PPM1L: variants seen among roughly 807,000 people sequenced by gnomAD.
PPM1L encodes the protein protein phosphatase, Mg2+/Mn2+ dependent 1L.
A neutral mutation model predicts 31.4 loss-of-function variants in PPM1L; 13 were observed. The ratio of observed to expected loss-of-function variants is 0.41; its 90% CI spans 0.27 to 0.66. The LOEUF is 0.66. Among genes scored for constraint, PPM1L ranks in the 30% least tolerant of loss-of-function variants. PPM1L has a pLI of 0.29. For synonymous variants in PPM1L, 184 were observed against 175.4 expected (o/e 1.05, Z -0.39); for missense variants, 326 against 453.7 (o/e 0.72, Z 2.56).
At position 161,074,641 on chromosome 3, in the gene PPM1L, G is replaced by A. The variant is rs1342516498; in HGVS notation, c.*5484G>A. ...TGTAAATTTGCTGATCCTTAGTAAT[G>A]TTAATGCTTTGTCTATTTGTTATTT... On this transcript the variant is annotated 3_prime_UTR_variant, in exon 4 of 4. Transcript: ENST00000498165. 2 of 152,312 alleles carry A rather than the reference G, an allele frequency of 1.3e-5. No individual in the cohort carries two copies. Among genetic ancestry groups the A allele is most frequent in the East Asian group, 3.9e-4 (2 of 5,186 alleles). 9.4% of individuals were successfully genotyped at this position (152,312 alleles called of 1,614,324 possible).
rs896044966 is a variant in PPM1L at position 161,075,116 on chromosome 3, G to A, written c.*5959G>A. 20 of 152,110 alleles carry A rather than the reference G, an allele frequency of 1.3e-4. No individual in the cohort carries two copies. The highest frequency in any genetic ancestry group is 2.1e-4 in the Non-Finnish European group (14 of 68,044). The allele number at this position is 152,110 out of a possible 1,614,324, so 9.4% of individuals were successfully genotyped here. A position where few individuals can be genotyped will look rare whatever the true frequency, so the allele number is the denominator to read the frequency against. ...GGTTACTCGCTGCCACTTCAGGAGA[G>A]GGATTGTATCAGCTCTCATTACCTT... On this transcript the variant is annotated 3_prime_UTR_variant, in exon 4 of 4. Transcript: ENST00000498165.
chr3:160,957,664 G>A (rs576553984), intron 1 of PPM1L, among the ~76,000 whole-genome samples: 17 of 146,466 alleles, frequency 1.2e-4, no homozygotes, highest in African/African-American at 3.5e-4. Flanking sequence ...TGCAAGCTCC[G>A]CCTCCCAGGT....
intron 2 of PPM1L, among the ~76,000 whole-genome samples, chr3:161,010,596 C>G (rs563421578): frequency 6.6e-6 from 1 of 152,146 alleles, no homozygotes; most frequent in African/African-American, 2.4e-5. Flanking sequence ...GAGGAATTGC[C>G]ACACTGTCTT....
Position 160,844,555 on chromosome 3 carries a change from A to G in PPM1L, c.399+87848A>G, listed in dbSNP as rs375295788. Among the ~76,000 whole-genome samples the G allele has an allele frequency of 9.1e-4, 139 of 152,282 alleles. 1 individual carries two copies. The highest frequency in any genetic ancestry group is 3.0e-3 in the African/African-American group (123 of 41,580). On this transcript the variant is annotated intron_variant, in intron 1 of 3. Transcript: ENST00000498165. The stretch of plus-strand genomic sequence containing the variant: ...ACCGGTTTGCAAATCTTTTCTTGCC[A>G]TCTATGGATTATGTTTCCATCCTCT...
At chr3:161,024,577 A>G (rs1469522252) in intron 2 of PPM1L, among the ~76,000 whole-genome samples, 1 of 152,116 alleles carries the variant, frequency 6.6e-6, no homozygotes, top group Non-Finnish European at 1.5e-5. Flanking sequence ...ACATGCCTGT[A>G]ATCCCAGCTA....
intron 1 of PPM1L, among the ~76,000 whole-genome samples, chr3:160,805,574 TAGTC>T (rs1712573249): frequency 6.6e-6 from 1 of 151,838 alleles, no homozygotes; most frequent in South Asian, 2.1e-4. Context: ...ATACAAAAAT[TAGTC>T]AGGTGTGGTG....
chr3:160,803,874 C>A (rs1490319326), intron 1 of PPM1L, among the ~76,000 whole-genome samples: 1 of 152,164 alleles, frequency 6.6e-6, no homozygotes, highest in Non-Finnish European at 1.5e-5. Flanking sequence ...AAAACTGAGA[C>A]TGAGAGACAC....
chr3:160,855,572 C>T (rs1472545382), intron 1 of PPM1L, among the ~76,000 whole-genome samples: 4 of 152,178 alleles, frequency 2.6e-5, no homozygotes, highest in Non-Finnish European at 1.5e-5. Context: ...CATGAATAGA[C>T]ACGTTTCAAA....
rs536534846 is a variant in PPM1L at position 160,887,468 on chromosome 3, G to A, written c.400-74268G>A. 9.9e-5 allele frequency among the ~76,000 whole-genome samples: 15 copies of A among 151,974 alleles called. 1 individual carries two copies. In the South Asian group the frequency reaches 1.7e-3, roughly 17 times the overall value. ...AGGTTGAAATGAAGGAAAAAAAAGC[G>A]AGAGAGAAAGACCAGGTCACCTACA... On this transcript the variant is annotated intron_variant, in intron 1 of 3. Transcript: ENST00000498165.
In PPM1L at chr3:161,078,706, T is replaced by C. The variant is rs1248860678; in HGVS notation, c.*9549T>C. On this transcript the variant is annotated 3_prime_UTR_variant, in exon 4 of 4. Transcript: ENST00000498165. Reference sequence around the variant, plus strand: ...TACCTGTAGTAGAGCTCAGAGTATATGGCAGTGCACGGTCACTCAAGATGC... The same window carrying C: ...TACCTGTAGTAGAGCTCAGAGTATACGGCAGTGCACGGTCACTCAAGATGC... The C allele has an allele frequency of 1.3e-5, 2 of 152,192 alleles. No individual in the cohort carries two copies. Among genetic ancestry groups the C allele is most frequent in the Non-Finnish European group, 2.9e-5 (2 of 68,048 alleles). 9.4% of individuals were successfully genotyped at this position (152,192 alleles called of 1,614,324 possible).
Position 160,785,839 on chromosome 3 carries a change from T to G in PPM1L, c.399+29132T>G, listed in dbSNP as rs1169794530. On this transcript the variant is annotated intron_variant, in intron 1 of 3. Transcript: ENST00000498165. ...ACAAGACAGCGGTGCACTGTTTTTT[T>G]TTTTTTTTTTACATATGTCTTTCCC... is the stretch of plus-strand genomic sequence containing the variant. Among the ~76,000 whole-genome samples, 9 of 151,818 alleles carry G rather than the reference T, an allele frequency of 5.9e-5. No homozygotes were observed. The South Asian group carries it at 6.2e-4, about 10-fold the overall frequency.
intron 2 of PPM1L, among the ~76,000 whole-genome samples, chr3:160,986,098 A>T (rs1254853470): frequency 6.6e-6 from 1 of 152,174 alleles, no homozygotes; most frequent in Non-Finnish European, 1.5e-5. Flanking sequence ...GCAAATAATA[A>T]AACTGTCTTC....
chr3:160,789,817 T>C (rs1403899052), intron 1 of PPM1L, among the ~76,000 whole-genome samples: 2 of 152,066 alleles, frequency 1.3e-5, no homozygotes, highest in African/African-American at 4.8e-5. Flanking sequence ...CATGATCATG[T>C]GTGTATAGTC....
intron 2 of PPM1L, among the ~76,000 whole-genome samples, chr3:161,014,695 C>T (rs192538808): frequency 4.1e-4 from 63 of 152,270 alleles, no homozygotes; most frequent in African/African-American, 1.5e-3. Context: ...TTGTCTCAAA[C>T]TCCTGACCTC....
chr3:160,887,179 T>G (rs1192118132), intron 1 of PPM1L, among the ~76,000 whole-genome samples: 3 of 151,864 alleles, frequency 2.0e-5, no homozygotes, highest in African/African-American at 7.3e-5. Context: ...TGAAAAGGAA[T>G]GAACAAAGTC....
intron 1 of PPM1L, among the ~76,000 whole-genome samples, chr3:160,779,126 C>T (rs1424068835): frequency 3.5e-5 from 5 of 144,158 alleles, no homozygotes; most frequent in African/African-American, 5.2e-5. Flanking sequence ...ACTGTGTAAA[C>T]GCTGAAAAAA....
intron 1 of PPM1L, among the ~76,000 whole-genome samples, chr3:160,780,863 A>G (rs1711724666): frequency 6.6e-6 from 1 of 152,190 alleles, no homozygotes; most frequent in Admixed American, 6.5e-5. Flanking sequence ...GAAATACAAG[A>G]ATATATTATC....
At chr3:160,813,477 C>T (rs1712875693) in intron 1 of PPM1L, among the ~76,000 whole-genome samples, 1 of 152,102 alleles carries the variant, frequency 6.6e-6, no homozygotes, top group Non-Finnish European at 1.5e-5. Flanking sequence ...GTAGCTGGGA[C>T]TACAGGTGCG....
At position 160,833,975 on chromosome 3, in the gene PPM1L, G is replaced by GT. The variant is rs1713612713; in HGVS notation, c.399+77269dup. On this transcript the variant is annotated intron_variant, in intron 1 of 3. Coordinates refer to ENST00000498165, the MANE Select transcript of PPM1L (RefSeq NM_139245.4). ...ATAAGGTGTAAGGAAGGGGTCCAGT[G>GT]TCCAGTTACAAATTTCTGCATATGG... 3.3e-5 allele frequency among the ~76,000 whole-genome samples: 5 copies of GT among 149,282 alleles called. No individual in the cohort carries two copies. The South Asian group carries it at 1.1e-3, about 32-fold the overall frequency.
Sources: allele counts gnomAD v4.1 joint callset (sites outside exome capture counted in the v4.1 genomes callset), GRCh38; gene constraint gnomAD v4.1.1; transcripts MANE v1.5; gene names NCBI Gene and HGNC (gene_info 2026-07-23, HGNC 2026-07-21).